Variants in ST6GALNAC3 observed in about 807,000 individuals in gnomAD.
ST6GALNAC3 encodes ST6 N-acetylgalactosaminide alpha-2,6-sialyltransferase 3.
In ST6GALNAC3, 25 loss-of-function variants were observed where a neutral mutation model predicts 32.7. The ratio of observed to expected loss-of-function variants is 0.76; its 90% confidence interval spans 0.56 to 1.07. The LOEUF is 1.07. ST6GALNAC3 is among the 50% of genes least tolerant of loss of function. The pLI is 0.00. For synonymous variants in ST6GALNAC3, 129 were observed against 133.1 expected (o/e 0.97, Z 0.21); for missense variants, 355 against 382.4 (o/e 0.93, Z 0.60).
chr1:76,396,083 C>A (rs1557851695), intron 2 of ST6GALNAC3, among the ~76,000 whole-genome samples: 2 of 152,078 alleles, frequency 1.3e-5, no homozygotes, highest in Non-Finnish European at 2.9e-5. Context: ...GATGCCATAA[C>A]TATGCACAAA....
chr1:76,146,011 C>T (rs892952557), intron 1 of ST6GALNAC3, among the ~76,000 whole-genome samples: 2 of 152,182 alleles, frequency 1.3e-5, no homozygotes, highest in Non-Finnish European at 2.9e-5. Flanking sequence ...CTTTTGAAAA[C>T]GTATGGCCAT....
chr1:76,279,244 G>T (rs763689430), intron 1 of ST6GALNAC3, among the ~76,000 whole-genome samples: 2 of 152,216 alleles, frequency 1.3e-5, no homozygotes, highest in Admixed American at 6.5e-5. Flanking sequence ...TTCTTAAACA[G>T]TCAGTGATGG....
chr1:76,102,974 A>G (rs556590996), intron 1 of ST6GALNAC3, among the ~76,000 whole-genome samples: 27 of 152,042 alleles, frequency 1.8e-4, no homozygotes, highest in Non-Finnish European at 2.9e-4. Context: ...TGGGCATAAA[A>G]TTCTAGGCTA....
chr1:76,516,680 A>C (rs536079840), intron 3 of ST6GALNAC3, among the ~76,000 whole-genome samples: 1 of 152,244 alleles, frequency 6.6e-6, no homozygotes, highest in Admixed American at 6.5e-5. Flanking sequence ...ATGAGCAAAA[A>C]GTTACTGTCT....
rs144278228 is a variant in ST6GALNAC3 at position 76,430,832 on chromosome 1, C to T, written c.623+18415C>T. Among the ~76,000 whole-genome samples the T allele has an allele frequency of 1.0e-3, 154 of 152,150 alleles. 1 individual carries two copies. The highest frequency in any genetic ancestry group is 2.3e-3 in the Admixed American group (35 of 15,266). ...TATTTTTTTATGAGAGTGTCAATTT[C>T]GTAAGCACTTGAAGATAGTACTAAA... On this transcript the variant is annotated intron_variant, in intron 3 of 4. Transcript: ENST00000328299.
chr1:76,498,900 G>A (rs945820971), intron 3 of ST6GALNAC3, among the ~76,000 whole-genome samples: 1 of 152,026 alleles, frequency 6.6e-6, no homozygotes, highest in Non-Finnish European at 1.5e-5. Context: ...AAATAAAAAA[G>A]AAAGATAAAT....
intron 1 of ST6GALNAC3, among the ~76,000 whole-genome samples, chr1:76,278,060 A>C (rs1287053548): frequency 1.3e-5 from 2 of 152,062 alleles, no homozygotes; most frequent in Non-Finnish European, 2.9e-5. Context: ...ATTTCATTAA[A>C]TTTATAGTTT....
intron 1 of ST6GALNAC3, among the ~76,000 whole-genome samples, chr1:76,278,917 G>T (rs1659340238): frequency 6.6e-6 from 1 of 152,156 alleles, no homozygotes. Flanking sequence ...TTTCCCTCGG[G>T]CAAGAAGAAT....
At chr1:76,137,814 A>G (rs1650046187) in intron 1 of ST6GALNAC3, among the ~76,000 whole-genome samples, 1 of 152,190 alleles carries the variant, frequency 6.6e-6, no homozygotes, top group Admixed American at 6.5e-5. Flanking sequence ...AGCAGGAAAT[A>G]TCTATATGAT....
rs549890902 is a variant in ST6GALNAC3 at position 76,378,404 on chromosome 1, G to A, written c.214-33604G>A. 3.9e-5 allele frequency among the ~76,000 whole-genome samples: 6 copies of A among 152,256 alleles called. 1 individual carries two copies. The South Asian group carries it at 1.2e-3, about 32-fold the overall frequency. ...AGGCTGAGCACGGTAGCTCACGCCT[G>A]GAATCCCAGCACTTTGGGAGGCCAA... is the stretch of plus-strand genomic sequence containing the variant. On this transcript the variant is annotated intron_variant, in intron 2 of 4. Coordinates refer to ENST00000328299, the MANE Select transcript of ST6GALNAC3 (RefSeq NM_152996.4).
chr1:76,412,495 A>T, intron 3 of ST6GALNAC3, 78 bp downstream of exon 3: 1 of 1,393,290 alleles, frequency 7.2e-7, no homozygotes, highest in East Asian at 2.4e-5. Context: ...TTTGCAGGAT[A>T]TAAAATGAAC....
chr1:76,234,113 G>A (rs1656519451), intron 1 of ST6GALNAC3, among the ~76,000 whole-genome samples: 1 of 152,144 alleles, frequency 6.6e-6, no homozygotes, highest in Admixed American at 6.5e-5. Flanking sequence ...CCAGGTTTGT[G>A]CGATAATGAA....
chr1:76,433,940 A>G (rs923847162), intron 3 of ST6GALNAC3, among the ~76,000 whole-genome samples: 26 of 152,182 alleles, frequency 1.7e-4, no homozygotes, highest in African/African-American at 5.8e-4. Context: ...TGCAGCGTTT[A>G]CTTTTTATCT....
chr1:76,485,094 C>CT lies in ST6GALNAC3; in HGVS notation c.623+72682dup, dbSNP rs539688894. Among the ~76,000 whole-genome samples the CT allele has an allele frequency of 2.6e-3, 393 of 152,226 alleles. 4 individuals carry two copies. Among genetic ancestry groups the CT allele is most frequent in the African/African-American group, 8.8e-3 (365 of 41,536 alleles). On this transcript the variant is annotated intron_variant, in intron 3 of 4. Transcript: ENST00000328299. ...AGCCCACTTGATCATGGTGGATAAGCTTTTTGATGTGCTGCTGGATTCGGT... is the reference window on the plus strand; with the variant it reads ...AGCCCACTTGATCATGGTGGATAAGCTTTTTTGATGTGCTGCTGGATTCGGT...
intron 2 of ST6GALNAC3, among the ~76,000 whole-genome samples, chr1:76,349,688 G>A (rs1404410707): frequency 6.6e-6 from 1 of 152,092 alleles, no homozygotes; most frequent in Non-Finnish European, 1.5e-5. Context: ...ATCAACTTCA[G>A]ACATTATTTA....
chr1:76,493,756 A>G (rs1335996966), intron 3 of ST6GALNAC3, among the ~76,000 whole-genome samples: 1 of 152,126 alleles, frequency 6.6e-6, no homozygotes, highest in Non-Finnish European at 1.5e-5. Flanking sequence ...TGTTAGGCCC[A>G]CTTTGTCATT....
intron 1 of ST6GALNAC3, among the ~76,000 whole-genome samples, chr1:76,210,105 G>T (rs951196316): frequency 3.3e-5 from 5 of 151,222 alleles, no homozygotes; most frequent in African/African-American, 1.2e-4. Context: ...GAATACACAT[G>T]CAGGACATGC....
At chr1:76,194,841 G>A (rs571334074) in intron 1 of ST6GALNAC3, among the ~76,000 whole-genome samples, 5 of 152,266 alleles carry the variant, frequency 3.3e-5, no homozygotes, top group African/African-American at 1.2e-4. Context: ...AATCTGAAAC[G>A]GAATCAATGA....
At chr1:76,130,005 C>T (rs1649507538) in intron 1 of ST6GALNAC3, among the ~76,000 whole-genome samples, 2 of 152,186 alleles carry the variant, frequency 1.3e-5, no homozygotes, top group Admixed American at 1.3e-4. Flanking sequence ...CCCATTCCTG[C>T]ATTTGAGATG....
Sources: gnomAD v4.1 joint callset for allele counts (sites outside exome capture counted in the v4.1 genomes callset) on GRCh38, gnomAD v4.1.1 for gene constraint, MANE v1.5 for transcripts, NCBI Gene and HGNC (gene_info 2026-07-23, HGNC 2026-07-21) for gene names.